The following NTM variants were observed in gnomAD, a reference collection of about 807,000 sequenced individuals.
The protein encoded by NTM is IgLON family member 2.
Under a neutral mutation model 42.1 loss-of-function variants are expected in NTM, and 13 were observed. That is an observed-to-expected ratio of 0.31 (90% confidence interval 0.20 to 0.49). The LOEUF (loss-of-function observed/expected upper bound fraction) is 0.49. Among genes scored for constraint, NTM ranks in the 20% least tolerant of loss-of-function variants. The pLI, the probability that NTM is intolerant of heterozygous loss-of-function variation, is 0.99. For missense variants in NTM, 373 were observed against 452.8 expected (o/e 0.82, Z 1.60); for synonymous variants, 187 against 179.2 (o/e 1.04, Z -0.35).
At chr11:132,120,554 C>T (rs985978568) in intron 2 of NTM, among the ~76,000 whole-genome samples, 7 of 152,156 alleles carry the variant, frequency 4.6e-5, no homozygotes, top group Admixed American at 1.3e-4. Flanking sequence ...TGAATCACTC[C>T]ATATAAAGAA....
Position 132,247,707 on chromosome 11 carries a change from G to C in NTM, c.526+35560G>C, listed in dbSNP as rs181312257. On this transcript the variant is annotated intron_variant, in intron 4 of 8. Transcript: ENST00000683400. ...TCGGGGATAAGAACCCTTTAAAGTT[G>C]GATCTAGGAGACCACCCTCTGCACA... 2.0e-5 allele frequency among the ~76,000 whole-genome samples: 3 copies of C among 152,154 alleles called. No individual in the cohort carries two copies. The East Asian group carries it at 5.8e-4, about 30-fold the overall frequency.
chr11:132,262,593 G>A (rs574573861), intron 4 of NTM, among the ~76,000 whole-genome samples: 2 of 152,012 alleles, frequency 1.3e-5, no homozygotes, highest in South Asian at 2.1e-4. Context: ...CTATTCTTAC[G>A]AGGACTTTAA....
rs117255578 is a variant in NTM at position 132,066,979 on chromosome 11, G to A, written c.168-79303G>A. ...AACATTTTTTTTTTCTTTTGAGACA[G>A]GGTCTTGCTCTGTCTCCCAGGCAGG... On this transcript the variant is annotated intron_variant, in intron 2 of 8. Coordinates refer to ENST00000683400, the MANE Select transcript of NTM (RefSeq NM_001352005.2). Among the ~76,000 whole-genome samples, 709 of 152,098 alleles carry A rather than the reference G, an allele frequency of 4.7e-3. 3 individuals are homozygous for A. The highest frequency in any genetic ancestry group is 6.9e-3 in the Non-Finnish European group (470 of 67,994).
At chr11:131,522,284 C>T (rs938960266) in intron 1 of NTM, among the ~76,000 whole-genome samples, 12 of 151,912 alleles carry the variant, frequency 7.9e-5, no homozygotes, top group African/African-American at 2.4e-4. Context: ...CTAAGTCAAG[C>T]CCTGTACGCT....
At chr11:132,124,195 C>T (rs2065292699) in intron 2 of NTM, among the ~76,000 whole-genome samples, 1 of 152,146 alleles carries the variant, frequency 6.6e-6, no homozygotes, top group African/African-American at 2.4e-5. Context: ...GCTATTGCCC[C>T]TCCCATCCCC....
intron 1 of NTM, among the ~76,000 whole-genome samples, chr11:131,687,761 GGGGGCCCCT>G (rs1184210023): frequency 6.6e-6 from 1 of 152,102 alleles, no homozygotes; most frequent in East Asian, 1.9e-4. Flanking sequence ...CCACAGGCGA[GGGGGCCCCT>G]GGGTCTGGTG....
chr11:131,555,225 T>C (rs2055248392), intron 1 of NTM, among the ~76,000 whole-genome samples: 1 of 152,184 alleles, frequency 6.6e-6, no homozygotes, highest in Non-Finnish European at 1.5e-5. Flanking sequence ...TCCATACACA[T>C]CCTAAACATA....
chr11:132,269,254 T>C (rs1055304685), intron 4 of NTM, among the ~76,000 whole-genome samples: 3 of 151,942 alleles, frequency 2.0e-5, no homozygotes, highest in African/African-American at 7.3e-5. Flanking sequence ...TGTAGAGATC[T>C]GGAGAGAAGG....
intron 1 of NTM, among the ~76,000 whole-genome samples, chr11:131,623,842 T>A (rs1253083196): frequency 1.3e-5 from 2 of 152,252 alleles, no homozygotes; most frequent in African/African-American, 2.4e-5. Context: ...CCATTTTGTA[T>A]CCTGCTTTTC....
At chr11:131,667,380 A>G (rs1170954821) in intron 1 of NTM, among the ~76,000 whole-genome samples, 1 of 152,000 alleles carries the variant, frequency 6.6e-6, no homozygotes, top group Non-Finnish European at 1.5e-5. Context: ...TCAACCGAAG[A>G]CCCTTCCTTG....
intron 1 of NTM, among the ~76,000 whole-genome samples, chr11:131,379,271 G>T (rs1942356203): frequency 6.6e-6 from 1 of 152,198 alleles, no homozygotes; most frequent in Non-Finnish European, 1.5e-5. Context: ...TATCTCCAGT[G>T]ATAGGAACTT....
At chr11:131,888,298 C>A (rs1431508129) in intron 1 of NTM, among the ~76,000 whole-genome samples, 9 of 151,994 alleles carry the variant, frequency 5.9e-5, no homozygotes, top group African/African-American at 2.2e-4. Flanking sequence ...GAGACTCGAT[C>A]TCAAAAAAAC....
rs891873385 is a variant in NTM, at chr11:132,335,862, A to G, written c.*716A>G. ...CTGCAAAAACAAGACAAAACTAAAA[A>G]AATACAACTGAGAAGGGTGAAGAGA... On this transcript the variant is annotated 3_prime_UTR_variant, in exon 9 of 9. Transcript: ENST00000683400. 6.6e-6 allele frequency: 1 copy of G among 152,658 alleles called. No homozygotes were observed. Among genetic ancestry groups the G allele is most frequent in the Non-Finnish European group, 1.5e-5 (1 of 68,054 alleles). The allele number at this position is 152,658 out of a possible 1,614,324, so 9.5% of individuals were successfully genotyped here.
intron 1 of NTM, among the ~76,000 whole-genome samples, chr11:131,749,461 A>G (rs997275261): frequency 2.6e-5 from 4 of 152,254 alleles, no homozygotes; most frequent in African/African-American, 9.6e-5. Flanking sequence ...GCTATATGCT[A>G]CAGGCAAATC....
Position 131,883,354 on chromosome 11 carries a change from C to T in NTM, c.83-28210C>T, listed in dbSNP as rs147992836. Among the ~76,000 whole-genome samples the T allele has an allele frequency of 6.2e-3, 941 of 152,270 alleles. 11 individuals are homozygous for T. Among genetic ancestry groups the T allele is most frequent in the African/African-American group, 0.021 (878 of 41,550 alleles). On this transcript the variant is annotated intron_variant, in intron 1 of 8. Coordinates refer to ENST00000683400, the MANE Select transcript of NTM (RefSeq NM_001352005.2). The stretch of plus-strand genomic sequence containing the variant: ...CCATCATGATGCCACAAAATCCAAA[C>T]GGAAATCATGGCCACTTGTCTACAA...
intron 1 of NTM, among the ~76,000 whole-genome samples, chr11:131,569,216 C>T (rs1440099758): frequency 6.6e-6 from 1 of 151,224 alleles, no homozygotes; most frequent in East Asian, 1.9e-4. Flanking sequence ...ACAATCTTGG[C>T]TCACTGCAAC....
intron 3 of NTM, among the ~76,000 whole-genome samples, chr11:132,199,736 A>C (rs754508107): frequency 3.4e-3 from 520 of 152,102 alleles, no homozygotes; most frequent in Non-Finnish European, 4.0e-3. Context: ...GTTCACTTGT[A>C]ATTTTTTTTT....
chr11:131,421,469 C>CT (rs1042829452), intron 1 of NTM, among the ~76,000 whole-genome samples: 1 of 152,118 alleles, frequency 6.6e-6, no homozygotes, highest in Non-Finnish European at 1.5e-5. Context: ...CACATAGACT[C>CT]TTTTTTTGAT....
intron 1 of NTM, chr11:131,539,518 A>T (rs1363391923): frequency 2.0e-5 from 3 of 152,246 alleles, no homozygotes; most frequent in Non-Finnish European, 2.9e-5. Context: ...GACTTAGCAG[A>T]CAAGGATGGG....
Sources: allele counts gnomAD v4.1 joint callset (sites outside exome capture counted in the v4.1 genomes callset), GRCh38; gene constraint gnomAD v4.1.1; transcripts MANE v1.5; gene names NCBI Gene and HGNC (gene_info 2026-07-23, HGNC 2026-07-21).